KLF13: variants seen among roughly 807,000 people sequenced by gnomAD.
KLF13 encodes KLF transcription factor 13, also known as Krueppel-like factor 13.
In KLF13, 8 loss-of-function variants were observed where a neutral mutation model predicts 16.7. The observed-to-expected ratio is 0.48, with a 90% CI of 0.28 to 0.87. KLF13 has a LOEUF of 0.87. KLF13 is among the 40% of genes least tolerant of loss of function. The pLI, the probability that KLF13 is intolerant of heterozygous loss-of-function variation, is 0.10. For missense variants in KLF13, 447 were observed against 452.2 expected, an observed-to-expected ratio of 0.99 and a Z score of 0.10; for synonymous variants, 245 against 208.4, an observed-to-expected ratio of 1.18 and a Z score of -1.51.
intron 1 of KLF13, among the ~76,000 whole-genome samples, chr15:31,360,711 T>C (rs1379583238): frequency 6.6e-6 from 1 of 152,230 alleles, no homozygotes. Context: ...TTTGTTGTTG[T>C]TGTTGTTTTG....
intron 1 of KLF13, among the ~76,000 whole-genome samples, chr15:31,350,533 C>T (rs1218634107): frequency 6.6e-6 from 1 of 152,220 alleles, no homozygotes; most frequent in Non-Finnish European, 1.5e-5. Flanking sequence ...AATTATGCCC[C>T]TGCAGGGTTC....
rs142768147 is a variant in KLF13 at position 31,396,997 on chromosome 15, T to A, written n.529+3306T>A. 4.1e-3 allele frequency among the ~76,000 whole-genome samples: 624 copies of A among 152,206 alleles called. 5 individuals carry two copies. Among genetic ancestry groups the A allele is most frequent in the African/African-American group, 0.014 (580 of 41,528 alleles). The stretch of plus-strand genomic sequence containing the variant: ...GTTAGTTAAGTCAGATCTCGTTCAC[T>A]GTCTGGGTTATAATTTTGCAGTGGT... On this transcript the variant is annotated intron_variant and non_coding_transcript_variant, in intron 2 of 2. Transcript: ENST00000500533.
chr15:31,327,907 C>G (rs958812941), intron 1 of KLF13, 118 bp downstream of exon 1: 1 of 1,104,986 alleles, frequency 9.0e-7, no homozygotes, highest in Non-Finnish European at 1.1e-6. Context: ...CCGGAACGCC[C>G]GGGGCCTCGC....
chr15:31,379,852 G>C (rs1420305269), downstream of KLF13, among the ~76,000 whole-genome samples: 1 of 152,138 alleles, frequency 6.6e-6, no homozygotes, highest in Non-Finnish European at 1.5e-5. Flanking sequence ...CTCAGGACTT[G>C]GATTAGAAGT....
At chr15:31,406,512 C>G (rs1214855969), downstream of KLF13, among the ~76,000 whole-genome samples, 1 of 152,006 alleles carries the variant, frequency 6.6e-6, no homozygotes, top group African/African-American at 2.4e-5. Context: ...GCTAGGAGTT[C>G]AGAAGGAATG....
downstream of KLF13, among the ~76,000 whole-genome samples, chr15:31,378,710 C>T (rs1388551278): frequency 6.6e-6 from 1 of 152,012 alleles, no homozygotes; most frequent in African/African-American, 2.4e-5. Context: ...TGTTCTTTTT[C>T]TTTTTTTTGA....
At chr15:31,419,702 A>G (rs925618685) in intron 1 of KLF13, among the ~76,000 whole-genome samples, 1 of 152,212 alleles carries the variant, frequency 6.6e-6, no homozygotes, top group Non-Finnish European at 1.5e-5. Flanking sequence ...ATCAATATAC[A>G]TGTTATAGGA....
intron 1 of KLF13, among the ~76,000 whole-genome samples, chr15:31,434,200 G>A (rs1204315948): frequency 2.0e-5 from 3 of 152,120 alleles, no homozygotes; most frequent in South Asian, 2.1e-4. Flanking sequence ...CCCATTCTAC[G>A]GATGGGGAAA....
intron 1 of KLF13, among the ~76,000 whole-genome samples, chr15:31,434,495 G>T (rs982139054): frequency 6.6e-6 from 1 of 152,144 alleles, no homozygotes; most frequent in Non-Finnish European, 1.5e-5. Flanking sequence ...GTGTGGAAAG[G>T]CTTGGAAAGC....
At chr15:31,386,509 G>A (rs2039798555) in intron 1 of KLF13, among the ~76,000 whole-genome samples, 1 of 151,998 alleles carries the variant, frequency 6.6e-6, no homozygotes. Flanking sequence ...TAAAAAAAAA[G>A]AAAAGAAAAA....
rs2039664714 is a variant in KLF13 at position 31,377,309 on chromosome 15, A to AGG, written c.*5011_*5012insGG. The AGG allele has an allele frequency of 1.1e-5, 1 of 88,012 alleles. No individual in the cohort carries two copies. The highest frequency in any genetic ancestry group is 3.4e-5 in the Non-Finnish European group (1 of 29,488). The allele number at this position is 88,012 out of a possible 1,614,324, so 5.5% of individuals were successfully genotyped here. On this transcript the variant is annotated 3_prime_UTR_variant, in exon 2 of 2. Coordinates refer to ENST00000307145, the MANE Select transcript of KLF13 (RefSeq NM_015995.4). ...AGACTTTGCTCCCTGGCCTCATCCTAGAGAGGCCCCTGGTGCCTAGTGCTG... is the reference window on the plus strand; with the variant it reads ...AGACTTTGCTCCCTGGCCTCATCCTAGGGAGAGGCCCCTGGTGCCTAGTGCTG...
chr15:31,335,511 G>A (rs1481796807), intron 1 of KLF13, among the ~76,000 whole-genome samples: 1 of 151,134 alleles, frequency 6.6e-6, no homozygotes, highest in Admixed American at 6.6e-5. Context: ...GGAGGGCACA[G>A]CATGGCACCG....
chr15:31,411,398 T>TC (rs1340037286), intron 1 of KLF13, among the ~76,000 whole-genome samples: 64 of 132,414 alleles, frequency 4.8e-4, no homozygotes, highest in African/African-American at 2.1e-3. Flanking sequence ...CATTTTTTTT[T>TC]TCTTTTTTTT....
Position 31,327,697 on chromosome 15 carries a change from C to T in KLF13, c.485C>T (p.Ser162Phe). Residue 162 changes from serine to phenylalanine, a missense_variant, in exon 1 of 2, where the codon TCC becomes TTC. Physicochemically the swap from Ser to Phe is radical, Grantham distance 155. This residue lies in a region of KLF13 where 359 missense variants were observed against 282.8 expected (regional missense o/e 1.27). Transcript: ENST00000307145. The part of the protein sequence containing the change: ...RRGRSRADLE[S>F]PQRKHKCHYA... ...GGCCGAAGTCGCGCCGACCTCGAGTCCCCGCAGAGGAAGCACAAGTGCCAC... is the reference window on the plus strand; with the variant it reads ...GGCCGAAGTCGCGCCGACCTCGAGTTCCCGCAGAGGAAGCACAAGTGCCAC... The T allele has an allele frequency of 2.0e-6, 3 of 1,536,348 alleles. No homozygotes were observed. The highest frequency in any genetic ancestry group is 1.2e-5 in the South Asian group (1 of 85,676).
chr15:31,405,321 CAGAA>C (rs962232590), downstream of KLF13, among the ~76,000 whole-genome samples: 1 of 152,072 alleles, frequency 6.6e-6, no homozygotes, highest in Non-Finnish European at 1.5e-5. Flanking sequence ...CTCAAAAAAA[CAGAA>C]GGAAAAAAAA....
chr15:31,380,190 G>A (rs761422684), downstream of KLF13, among the ~76,000 whole-genome samples: 7 of 152,184 alleles, frequency 4.6e-5, no homozygotes, highest in Non-Finnish European at 1.0e-4. Flanking sequence ...TACTTGGGAG[G>A]CTGAGGCAGG....
downstream of KLF13, among the ~76,000 whole-genome samples, chr15:31,407,619 C>A (rs755878580): frequency 6.6e-6 from 1 of 152,158 alleles, no homozygotes; most frequent in Non-Finnish European, 1.5e-5. Flanking sequence ...TTGAGAAATA[C>A]TCTGGTCACG....
chr15:31,353,271 G>C (rs1288198957), intron 1 of KLF13, among the ~76,000 whole-genome samples: 3 of 152,192 alleles, frequency 2.0e-5, no homozygotes, highest in Non-Finnish European at 4.4e-5. Context: ...GCCTGTGCTG[G>C]GCCTCCCCTG....
At position 31,372,635 on chromosome 15, in the gene KLF13, G is replaced by T; in HGVS notation, c.*336G>T. The T allele has an allele frequency of 3.7e-6, 1 of 270,100 alleles. No homozygotes were observed. Among genetic ancestry groups the T allele is most frequent in the Non-Finnish European group, 6.9e-6 (1 of 144,514 alleles). 16.7% of individuals were successfully genotyped at this position (270,100 alleles called of 1,614,324 possible). A position where few individuals can be genotyped will look rare whatever the true frequency, so the allele number is the denominator to read the frequency against. On this transcript the variant is annotated 3_prime_UTR_variant, in exon 2 of 2. Transcript: ENST00000307145. ...ATAGATTTGCACTCTGGAGTTTTCT[G>T]TTAGGTTCGGGAACACGCTGGGGAC...
Sources: allele counts gnomAD v4.1 joint callset (sites outside exome capture counted in the v4.1 genomes callset), GRCh38; gene constraint gnomAD v4.1.1; regional missense constraint gnomAD v4.1.1; transcripts MANE v1.5; gene names NCBI Gene and HGNC (gene_info 2026-07-23, HGNC 2026-07-21).